The following ADAM10 variants were observed in gnomAD, a reference collection of about 807,000 sequenced individuals.
ADAM10 encodes disintegrin and metalloproteinase domain-containing protein 10.
Under a neutral mutation model 90.1 loss-of-function variants are expected in ADAM10, and 17 were observed. The ratio of observed to expected loss-of-function variants is 0.19; its 90% CI spans 0.13 to 0.28. The LOEUF (loss-of-function observed/expected upper bound fraction) is 0.28. Ranked by LOEUF, ADAM10 falls within the 10% of genes least tolerant of loss-of-function variation. The pLI is 1.00. For missense variants in ADAM10, 610 were observed against 914.3 expected (o/e 0.67, Z 4.29); for synonymous variants, 310 against 298.6 (o/e 1.04, Z -0.40).
intron 4 of ADAM10, among the ~76,000 whole-genome samples, chr15:58,678,418 A>G (rs1257777561): frequency 6.6e-6 from 1 of 152,194 alleles, no homozygotes; most frequent in Non-Finnish European, 1.5e-5. Context: ...GCAAAAATTG[A>G]GAGACTAGTC....
At chr15:58,604,794 C>A (rs1011831762) in intron 14 of ADAM10, among the ~76,000 whole-genome samples, 1 of 152,156 alleles carries the variant, frequency 6.6e-6, no homozygotes, top group South Asian at 2.1e-4. Flanking sequence ...GTTGCCCAAG[C>A]TGGAATGCAG....
At chr15:58,748,859 C>G (rs530754611) in intron 1 of ADAM10, 262 of 398,698 alleles carry the variant, frequency 6.6e-4, no homozygotes, top group Non-Finnish European at 1.0e-3. Context: ...CTCAGATAAG[C>G]GGGTGATGAC....
At chr15:58,618,244 G>GACAA (rs71116582) in intron 11 of ADAM10, among the ~76,000 whole-genome samples, 83,418 of 151,672 alleles carry the variant, frequency 0.55, 25,969 homozygotes, top group East Asian at 0.94. Context: ...ATTGATTTTC[G>GACAA]AGGTGATTTT....
intron 10 of ADAM10, among the ~76,000 whole-genome samples, chr15:58,623,852 C>T (rs1230293144): frequency 1.3e-5 from 2 of 152,106 alleles, no homozygotes; most frequent in East Asian, 3.9e-4. Context: ...TTAGGACAAA[C>T]AGCTAATGCA....
chr15:58,669,258 CCA>C (rs1271463210), intron 4 of ADAM10, among the ~76,000 whole-genome samples: 1 of 152,284 alleles, frequency 6.6e-6, no homozygotes, highest in South Asian at 2.1e-4. Flanking sequence ...CGGCAATCAT[CCA>C]CAGTTTATTA....
intron 5 of ADAM10, among the ~76,000 whole-genome samples, chr15:58,654,275 G>C (rs1409635234): frequency 2.6e-5 from 4 of 151,960 alleles, no homozygotes; most frequent in African/African-American, 9.7e-5. Context: ...AAAATGCATT[G>C]TTAGTGCATT....
At chr15:58,733,912 T>C (rs1438654964) in intron 1 of ADAM10, among the ~76,000 whole-genome samples, 8 of 150,000 alleles carry the variant, frequency 5.3e-5, no homozygotes, top group Admixed American at 4.7e-4. Flanking sequence ...ACATTATATA[T>C]ATATATATAA....
intron 4 of ADAM10, among the ~76,000 whole-genome samples, chr15:58,670,682 G>A (rs1300085399): frequency 2.0e-5 from 3 of 151,754 alleles, no homozygotes; most frequent in Admixed American, 6.6e-5. Flanking sequence ...TAATGGTGGT[G>A]GACACATTTC....
At chr15:58,725,571 A>G (rs1049279703) in intron 1 of ADAM10, among the ~76,000 whole-genome samples, 4 of 151,626 alleles carry the variant, frequency 2.6e-5, no homozygotes, top group African/African-American at 9.7e-5. Flanking sequence ...ATAAATAAAT[A>G]AACAAAAACC....
rs550067991 is a variant in ADAM10 at position 58,674,375 on chromosome 15, T to C, written c.484+4749A>G. ...AATACACTTGTATGCACTGTGGGAG[T>C]TCAGAAGTCAAACAATCAGAGCACT... On this transcript the variant is annotated intron_variant, in intron 4 of 15. Coordinates refer to ENST00000260408, the MANE Select transcript of ADAM10 (RefSeq NM_001110.4). Among the ~76,000 whole-genome samples the C allele has an allele frequency of 3.9e-5, 6 of 152,140 alleles. No individual in the cohort carries two copies. The East Asian group carries it at 1.2e-3, about 29-fold the overall frequency.
chr15:58,614,665 C>A (rs1340325285), intron 11 of ADAM10, among the ~76,000 whole-genome samples: 1 of 152,052 alleles, frequency 6.6e-6, no homozygotes, highest in Non-Finnish European at 1.5e-5. Context: ...AAATGAGGGA[C>A]AAATAAAGTC....
intron 2 of ADAM10, among the ~76,000 whole-genome samples, chr15:58,700,359 AT>A (rs1898098392): frequency 6.6e-6 from 1 of 152,208 alleles, no homozygotes; most frequent in African/African-American, 2.4e-5. Flanking sequence ...GTTTCAACAA[AT>A]TTTTTTAAAT....
intron 13 of ADAM10, 63 bp downstream of exon 13, chr15:58,610,936 A>C: frequency 7.7e-7 from 1 of 1,296,108 alleles, no homozygotes; most frequent in Non-Finnish European, 1.1e-6. Flanking sequence ...TTTACACTTA[A>C]AATTTAGGAG....
intron 2 of ADAM10, among the ~76,000 whole-genome samples, chr15:58,693,573 GA>G (rs1897889688): frequency 6.6e-6 from 1 of 151,926 alleles, no homozygotes; most frequent in African/African-American, 2.4e-5. Flanking sequence ...CTATCATAAA[GA>G]AAAATTAAAT....
At chr15:58,742,178 C>T (rs1368157102) in intron 1 of ADAM10, among the ~76,000 whole-genome samples, 1 of 152,164 alleles carries the variant, frequency 6.6e-6, no homozygotes, top group African/African-American at 2.4e-5. Flanking sequence ...ATAATAAATC[C>T]TGGTGACTAA....
intron 10 of ADAM10, among the ~76,000 whole-genome samples, chr15:58,625,836 C>A (rs751663036): frequency 6.6e-6 from 1 of 152,106 alleles, no homozygotes; most frequent in Non-Finnish European, 1.5e-5. Context: ...AAAGAACGAA[C>A]TATTGATAAA....
intron 5 of ADAM10, among the ~76,000 whole-genome samples, chr15:58,647,190 T>G (rs1896567275): frequency 1.3e-5 from 2 of 150,868 alleles, no homozygotes; most frequent in South Asian, 4.2e-4. Flanking sequence ...CTCTGTTTGA[T>G]CCTCACTGTA....
In ADAM10 at chr15:58,589,861, C is replaced by T. The variant is rs1211294627; in HGVS notation, c.*7686G>A. 6.6e-6 allele frequency: 1 copy of T among 152,108 alleles called. No homozygotes were observed. Among genetic ancestry groups the T allele is most frequent in the African/African-American group, 2.4e-5 (1 of 41,404 alleles). 9.4% of individuals were successfully genotyped at this position (152,108 alleles called of 1,614,324 possible). The stretch of plus-strand genomic sequence containing the variant: ...GAAAAGCGAAGCGCCTTTCACAACT[C>T]CCAGATTGTTGGGCCAATATCCTAA... On this transcript the variant is annotated 3_prime_UTR_variant, in exon 16 of 16. Coordinates refer to ENST00000260408, the MANE Select transcript of ADAM10 (RefSeq NM_001110.4).
At position 58,596,626 on chromosome 15, in the gene ADAM10, TTTCA is replaced by T. The variant is rs1444994038; in HGVS notation, c.*917_*920del. On this transcript the variant is annotated 3_prime_UTR_variant, in exon 16 of 16. Transcript: ENST00000260408. ...AGTAGGCTACAAATAAAAAGAATCA[TTTCA>T]TTGACATAATTTCTATCAAAGCATG... 2 of 152,698 alleles carry T rather than the reference TTTCA, an allele frequency of 1.3e-5. No homozygotes were observed. The highest frequency in any genetic ancestry group is 3.8e-4 in the East Asian group (2 of 5,196). The allele number at this position is 152,698 out of a possible 1,614,324, so 9.5% of individuals were successfully genotyped here. A position where few individuals can be genotyped will look rare whatever the true frequency, so the allele number is the denominator to read the frequency against.
Sources: gnomAD v4.1 joint callset for allele counts (sites outside exome capture counted in the v4.1 genomes callset) on GRCh38, gnomAD v4.1.1 for gene constraint, MANE v1.5 for transcripts, NCBI Gene and HGNC (gene_info 2026-07-23, HGNC 2026-07-21) for gene names.